Variants in ARHGAP39 observed in about 807,000 individuals in gnomAD.
ARHGAP39 encodes the protein Rho GTPase activating protein 39.
ARHGAP39 carries 44 observed loss-of-function variants against 106.9 expected under a neutral mutation model. The observed-to-expected ratio is 0.41, with a 90% CI of 0.32 to 0.53. The LOEUF is 0.53. Among genes scored for constraint, ARHGAP39 ranks in the 20% least tolerant of loss-of-function variants. The probability of loss-of-function intolerance (pLI) is 0.21; values close to 1 mark genes in which losing one functional copy is unlikely to be tolerated. For synonymous variants in ARHGAP39, 768 were observed against 693.2 expected, an observed-to-expected ratio of 1.11 and a Z score of -1.69; for missense variants, 1,496 against 1,577.3, an observed-to-expected ratio of 0.95 and a Z score of 0.87.
chr8:144,599,906 A>C (rs940112705), intron 2 of ARHGAP39, among the ~76,000 whole-genome samples: 1 of 152,200 alleles, frequency 6.6e-6, no homozygotes, highest in African/African-American at 2.4e-5. Flanking sequence ...GCAAGTGAGT[A>C]AACACACTGG....
chr8:144,559,297 T>C (rs1262105061), intron 3 of ARHGAP39, among the ~76,000 whole-genome samples: 2 of 121,358 alleles, frequency 1.6e-5, no homozygotes, highest in Non-Finnish European at 3.1e-5. Flanking sequence ...ACCTGGGAGG[T>C]GGAGCTTGCA....
chr8:144,692,985 C>T, the ARHGAP39 span, among the ~76,000 whole-genome samples: 1 of 151,208 alleles, frequency 6.6e-6, no homozygotes, highest in South Asian at 2.1e-4. Flanking sequence ...TCTCAAACTC[C>T]TGACCTCAGG....
intron 3 of ARHGAP39, among the ~76,000 whole-genome samples, chr8:144,567,773 C>T (rs559852081): frequency 2.0e-5 from 3 of 152,348 alleles, no homozygotes; most frequent in South Asian, 2.1e-4. Flanking sequence ...CTCTCTGCCT[C>T]GGCTGCCAGG....
intron 1 of ARHGAP39, among the ~76,000 whole-genome samples, chr8:144,609,249 T>A (rs1820398942): frequency 6.6e-6 from 1 of 152,220 alleles, no homozygotes; most frequent in Non-Finnish European, 1.5e-5. Flanking sequence ...GGATGTTGGA[T>A]TTTGTAAAAT....
Position 144,581,246 on chromosome 8 carries a change from T to C in ARHGAP39, c.112A>G (p.Thr38Ala). Residue 38 changes from threonine (T) to alanine (A), a missense_variant, in exon 3 of 12, where the codon ACC (threonine) becomes GCC (alanine). Thr to Ala is a moderately conservative substitution (Grantham distance 58, BLOSUM62 0). Transcript: ENST00000377307. ...LEWVEIIEPR[T>A]RERMYANLVT... ...AGGTTGGCGTACATGCGCTCGCGGG[T>C]GCGCGGTTCGATGATCTCCACCCAC... The C allele has an allele frequency of 1.3e-6, 2 of 1,552,458 alleles. No individual in the cohort carries two copies. The highest frequency in any genetic ancestry group is 1.7e-6 in the Non-Finnish European group (2 of 1,149,078).
rs113495229 is a variant in ARHGAP39 at position 144,561,624 on chromosome 8, G to A, written c.513-5981C>T. ...CCATCGCGCTCCAGTGGTTTCCATCGGACCCCAGTGGTTTCCATCGCGCTC... is the reference window on the plus strand; with the variant it reads ...CCATCGCGCTCCAGTGGTTTCCATCAGACCCCAGTGGTTTCCATCGCGCTC... On this transcript the variant is annotated intron_variant, in intron 3 of 11. Transcript: ENST00000377307. Among the ~76,000 whole-genome samples, 135 of 138,808 alleles carry A rather than the reference G, an allele frequency of 9.7e-4. 2 individuals carry two copies. Among genetic ancestry groups the A allele is most frequent in the African/African-American group, 3.2e-3 (115 of 36,102 alleles). 91.1% of individuals were successfully genotyped at this position (138,808 alleles called of 152,430 possible). A position where few individuals can be genotyped will look rare whatever the true frequency, so the allele number is the denominator to read the frequency against.
the ARHGAP39 span, among the ~76,000 whole-genome samples, chr8:144,696,742 G>C: frequency 6.6e-6 from 1 of 152,068 alleles, no homozygotes; most frequent in East Asian, 1.9e-4. Context: ...ACAATGTTGT[G>C]CACTTATCAC....
intron 7 of ARHGAP39, 51 bp downstream of exon 7, chr8:144,537,670 G>C (rs775731470): frequency 6.6e-7 from 1 of 1,526,540 alleles, no homozygotes; most frequent in South Asian, 1.1e-5. Context: ...CGAGGCTGGA[G>C]AGCAGAGCTG....
At chr8:144,692,741 T>C in the ARHGAP39 span, among the ~76,000 whole-genome samples, 2 of 145,876 alleles carry the variant, frequency 1.4e-5, no homozygotes, top group Non-Finnish European at 3.0e-5. Context: ...ATGTGTATTG[T>C]AAAATTCTTT....
chr8:144,603,933 G>C (rs980251842), intron 2 of ARHGAP39, among the ~76,000 whole-genome samples: 1 of 152,158 alleles, frequency 6.6e-6, no homozygotes, highest in Non-Finnish European at 1.5e-5. Flanking sequence ...CTATCTGGGC[G>C]CTTATGCACC....
rs1822321060 is a variant in ARHGAP39, at chr8:144,679,091, C to A, written c.-82+6595G>T. ...GTCCCAAAGCCCCAAAGGGTTGAGG[C>A]CAGAAGTGAATGTGGGTGCTGAGTC... On this transcript the variant is annotated intron_variant, in intron 1 of 11. Transcript: ENST00000377307. The surrounding 1 kb of genome is among the most constrained non-coding windows in gnomAD (Gnocchi z 4.7). Among the ~76,000 whole-genome samples, 1 of 152,198 alleles carries A rather than the reference C, an allele frequency of 6.6e-6. No homozygotes were observed. Among genetic ancestry groups the A allele is most frequent in the Non-Finnish European group, 1.5e-5 (1 of 68,032 alleles).
chr8:144,630,444 A>G (rs1281218445), intron 1 of ARHGAP39, among the ~76,000 whole-genome samples: 1 of 152,200 alleles, frequency 6.6e-6, no homozygotes, highest in East Asian at 1.9e-4. Flanking sequence ...CCTGGCCCCC[A>G]GCTTCTGCAG....
At chr8:144,554,811 G>A (rs951434022) in intron 4 of ARHGAP39, among the ~76,000 whole-genome samples, 18 of 152,214 alleles carry the variant, frequency 1.2e-4, no homozygotes, top group African/African-American at 4.1e-4. Flanking sequence ...CAACAAATAC[G>A]AATGTAAGAA....
At chr8:144,537,005 C>A (rs565786445) in intron 7 of ARHGAP39, among the ~76,000 whole-genome samples, 1 of 152,360 alleles carries the variant, frequency 6.6e-6, no homozygotes, top group Admixed American at 6.5e-5. Flanking sequence ...CAGGACCACA[C>A]TGCAGGGGTC....
intron 1 of ARHGAP39, among the ~76,000 whole-genome samples, chr8:144,642,686 T>A (rs540972615): frequency 1.2e-4 from 19 of 152,174 alleles, no homozygotes; most frequent in African/African-American, 4.1e-4. Context: ...TGTCATGAGA[T>A]CCGATGGTTT....
chr8:144,530,577 C>G lies in ARHGAP39; in HGVS notation c.3190G>C (p.Asp1064His). 6.2e-7 allele frequency: 1 copy of G among 1,611,766 alleles called. No individual in the cohort carries two copies. Among genetic ancestry groups the G allele is most frequent in the Non-Finnish European group, 8.5e-7 (1 of 1,179,614 alleles). Reference protein sequence around the residue: ...QPANVAVTKMDVSNLAMVMAP... With the variant: ...QPANVAVTKMHVSNLAMVMAP... Reference sequence around the variant, plus strand: ...ATCACCATGGCCAGGTTGCTGACATCCATCTTGGTGACCGCGACGTTGGCC... The same window carrying G: ...ATCACCATGGCCAGGTTGCTGACATGCATCTTGGTGACCGCGACGTTGGCC... The change falls in exon 12 of 12, where the codon GAT (aspartate) becomes CAT (histidine). Residue 1064 changes from aspartate (D) to histidine (H), a missense_variant. Around this residue, in one of 4 missense-constraint regions of ARHGAP39, gnomAD observed 470 missense variants for 605.1 expected, o/e 0.78. Coordinates refer to ENST00000377307, the MANE Select transcript of ARHGAP39 (RefSeq NM_025251.3).
At chr8:144,623,358 A>AC (rs2130970115) in intron 1 of ARHGAP39, among the ~76,000 whole-genome samples, 1 of 152,366 alleles carries the variant, frequency 6.6e-6, no homozygotes, top group East Asian at 1.9e-4. Context: ...ATGTAAATGG[A>AC]CCAATAGTCT....
In ARHGAP39 at chr8:144,529,809, G is replaced by A. The variant is rs1226764110; in HGVS notation, c.*613C>T. On this transcript the variant is annotated 3_prime_UTR_variant, in exon 12 of 12. Transcript: ENST00000377307. Reference sequence around the variant, plus strand: ...ACCCTGCCCCCAGAATGCCTGCCCAGCCCTGCTCCCTACCCCAGAGGACTT... The same window carrying A: ...ACCCTGCCCCCAGAATGCCTGCCCAACCCTGCTCCCTACCCCAGAGGACTT... 1 of 151,280 alleles carries A rather than the reference G, an allele frequency of 6.6e-6. No homozygotes were observed. Among genetic ancestry groups the A allele is most frequent in the Non-Finnish European group, 1.5e-5 (1 of 67,838 alleles). The allele number at this position is 151,280 out of a possible 1,614,324, so 9.4% of individuals were successfully genotyped here.
chr8:144,689,031 G>C (rs1233988720), upstream of ARHGAP39, among the ~76,000 whole-genome samples: 3 of 152,146 alleles, frequency 2.0e-5, no homozygotes, highest in East Asian at 5.8e-4. Context: ...AGGGAATGGA[G>C]CAAAGAGTTT....
Sources: gnomAD v4.1 joint callset for allele counts (sites outside exome capture counted in the v4.1 genomes callset) on GRCh38, gnomAD v4.1.1 for gene constraint, gnomAD v4.1.1 regional missense constraint, Gnocchi (gnomAD v3.1) non-coding constraint, MANE v1.5 for transcripts, NCBI Gene and HGNC (gene_info 2026-07-23, HGNC 2026-07-21) for gene names.